IDE: variants seen among roughly 807,000 people sequenced by gnomAD.
IDE encodes the protein insulin degrading enzyme.
IDE carries 58 observed loss-of-function variants against 133.2 expected under a neutral mutation model. The observed-to-expected ratio is 0.44, with a 90% confidence interval of 0.35 to 0.54. The LOEUF is 0.54. IDE is among the 20% of genes least tolerant of loss of function. The pLI is 0.00. For missense variants in IDE, 981 were observed against 1,234.0 expected, an observed-to-expected ratio of 0.79 and a Z score of 3.07; for synonymous variants, 396 against 421.3, an observed-to-expected ratio of 0.94 and a Z score of 0.73.
chr10:92,523,279 G>A (rs1849328048), intron 4 of IDE, among the ~76,000 whole-genome samples: 2 of 152,046 alleles, frequency 1.3e-5, no homozygotes. Flanking sequence ...TACTTCAGAG[G>A]CTGAGGCAGG....
At chr10:92,517,736 G>A (rs1849002645) in intron 4 of IDE, among the ~76,000 whole-genome samples, 1 of 152,108 alleles carries the variant, frequency 6.6e-6, no homozygotes, top group Admixed American at 6.5e-5. Context: ...GCCAAGGCAG[G>A]TGCATCACTT....
chr10:92,478,784 T>C (rs1397083176), intron 15 of IDE: 1 of 1,225,624 alleles, frequency 8.2e-7, no homozygotes, highest in East Asian at 5.9e-5. Flanking sequence ...AGCATAAATG[T>C]AGCGACTAAC....
intron 14 of IDE, chr10:92,480,916 G>T: frequency 1.0e-6 from 1 of 970,996 alleles, no homozygotes; most frequent in Non-Finnish European, 1.2e-6. Flanking sequence ...TTTTATCAAA[G>T]CTGATAAAAA....
intron 24 of IDE, 24 bp from the exon 25 acceptor site, chr10:92,454,563 T>C (rs1158804256): frequency 6.4e-7 from 1 of 1,562,864 alleles, no homozygotes; most frequent in East Asian, 2.2e-5. Flanking sequence ...AGTTTCCTTT[T>C]AGTGTATTTA....
intron 11 of IDE, among the ~76,000 whole-genome samples, chr10:92,493,977 A>T (rs934704418): frequency 1.3e-5 from 2 of 152,202 alleles, no homozygotes; most frequent in African/African-American, 2.4e-5. Context: ...ACAATAATTG[A>T]AGTACAGACA....
At chr10:92,484,711 C>A (rs1846859514) in intron 13 of IDE, among the ~76,000 whole-genome samples, 1 of 150,212 alleles carries the variant, frequency 6.7e-6, no homozygotes, top group African/African-American at 2.5e-5. Context: ...CCAGCCTAGG[C>A]AACGGAGAGA....
Position 92,574,064 on chromosome 10 carries a change from C to T in IDE, c.-45G>A, listed in dbSNP as rs1168207830. ...GATCACCGCAAACGCTTCCTGCTTG[C>T]GCTTCGAGCCGGCCCTGCGCACTGC... On this transcript the variant is annotated 5_prime_UTR_variant, in exon 1 of 25. Coordinates refer to ENST00000265986, the MANE Select transcript of IDE (RefSeq NM_004969.4). The T allele has an allele frequency of 1.2e-5, 17 of 1,437,662 alleles. No individual in the cohort carries two copies. The highest frequency in any genetic ancestry group is 2.3e-5 in the Admixed American group (1 of 43,230). 89.1% of individuals were successfully genotyped at this position (1,437,662 alleles called of 1,614,324 possible).
At chr10:92,489,709 T>C (rs1187912413) in intron 12 of IDE, among the ~76,000 whole-genome samples, 2 of 152,204 alleles carry the variant, frequency 1.3e-5, no homozygotes, top group African/African-American at 4.8e-5. Flanking sequence ...TGATCTTCTG[T>C]ATCATGAATA....
chr10:92,557,265 G>A (rs1333204812), intron 1 of IDE, among the ~76,000 whole-genome samples: 1 of 152,138 alleles, frequency 6.6e-6, no homozygotes, highest in Non-Finnish European at 1.5e-5. Context: ...GGCCAGGCAC[G>A]GCGGCTCACA....
intron 15 of IDE, chr10:92,478,743 A>AC: frequency 4.7e-6 from 6 of 1,277,412 alleles, no homozygotes; most frequent in Non-Finnish European, 6.1e-6. Context: ...AACCTGATAA[A>AC]CAGGTATGTC....
In IDE at chr10:92,550,363, G is replaced by T. The variant is rs528290634; in HGVS notation, c.99-12813C>A. Among the ~76,000 whole-genome samples, 50 of 152,118 alleles carry T rather than the reference G, an allele frequency of 3.3e-4. 1 individual carries two copies. Among genetic ancestry groups the T allele is most frequent in the African/African-American group, 1.2e-3 (49 of 41,494 alleles). On this transcript the variant is annotated intron_variant, in intron 1 of 24. Transcript: ENST00000265986. Reference sequence around the variant, plus strand: ...CTTAAAAAGCCACTTCTCCAAAGAAGATATACAAATGGCCAATAAGCATAT... The same window carrying T: ...CTTAAAAAGCCACTTCTCCAAAGAATATATACAAATGGCCAATAAGCATAT...
intron 1 of IDE, among the ~76,000 whole-genome samples, chr10:92,567,096 C>T (rs1272981767): frequency 1.3e-5 from 2 of 152,184 alleles, no homozygotes; most frequent in African/African-American, 4.8e-5. Context: ...AAGGACCGCT[C>T]AGTCCTGTCC....
At chr10:92,456,327 A>G (rs188796899) in intron 23 of IDE, 32 bp downstream of exon 23, 2 of 1,493,290 alleles carry the variant, frequency 1.3e-6, no homozygotes, top group African/African-American at 2.8e-5. Context: ...ATGGCTCAAC[A>G]TGAGCCTAAA....
rs571789194 is a variant in IDE at position 92,491,626 on chromosome 10, T to C, written c.1431-1031A>G. On this transcript the variant is annotated intron_variant, in intron 11 of 24. Coordinates refer to ENST00000265986, the MANE Select transcript of IDE (RefSeq NM_004969.4). Reference sequence around the variant, plus strand: ...TAATTTTTGTTTTTGTTTTTTTTTTTTGAGTTGGAGTTTTGCTCTTGCCAC... The same window carrying C: ...TAATTTTTGTTTTTGTTTTTTTTTTCTGAGTTGGAGTTTTGCTCTTGCCAC... 9.5e-4 allele frequency among the ~76,000 whole-genome samples: 144 copies of C among 151,504 alleles called. 1 individual carries two copies. Among genetic ancestry groups the C allele is most frequent in the African/African-American group, 3.4e-3 (140 of 41,278 alleles).
Position 92,455,576 on chromosome 10 carries a change from T to C in IDE, c.2964A>G (p.Gln988=), listed in dbSNP as rs978823534. 1 of 1,559,038 alleles carries C rather than the reference T, an allele frequency of 6.4e-7. No individual in the cohort carries two copies. Among genetic ancestry groups the C allele is most frequent in the Non-Finnish European group, 8.8e-7 (1 of 1,129,944 alleles). The stretch of plus-strand genomic sequence containing the variant: ...TCTAACATAACGTTATATTTCTTAC[T>C]TGTGGCAAGGCTGGTGCTTGTGACA... ...INLSQAPALP[Q]PEVIQNMTEF... is the part of the protein sequence containing the mutation. Residue 988 remains glutamine, a splice_region_variant and synonymous_variant, in exon 24 of 25, where the codon CAA becomes CAG. Transcript: ENST00000265986.
At chr10:92,511,419 T>C (rs17445028) in intron 5 of IDE, among the ~76,000 whole-genome samples, 28,216 of 152,036 alleles carry the variant, frequency 0.19, 2,895 homozygotes, top group Middle Eastern at 0.22. Flanking sequence ...TGTCTTTTTA[T>C]AAACAAGATA....
rs1479957331 is a variant in IDE at position 92,524,405 on chromosome 10, A to T, written c.661+7343T>A. On this transcript the variant is annotated intron_variant, in intron 4 of 24. Transcript: ENST00000265986. Reference sequence around the variant, plus strand: ...TATAATATATTTTATATAATATATAATATATATTATATTATATATAATATA... The same window carrying T: ...TATAATATATTTTATATAATATATATTATATATTATATTATATATAATATA... 2.2e-3 allele frequency among the ~76,000 whole-genome samples: 196 copies of T among 88,280 alleles called. 12 individuals are homozygous for T. Among genetic ancestry groups the T allele is most frequent in the African/African-American group, 8.7e-3 (188 of 21,712 alleles). 57.9% of individuals were successfully genotyped at this position (88,280 alleles called of 152,430 possible).
intron 17 of IDE, among the ~76,000 whole-genome samples, chr10:92,470,711 C>G (rs1209053305): frequency 6.6e-6 from 1 of 152,048 alleles, no homozygotes; most frequent in Non-Finnish European, 1.5e-5. Flanking sequence ...TTGAAGAGTA[C>G]TGTTCAGTTA....
chr10:92,473,763 C>T (rs184685622), intron 17 of IDE, among the ~76,000 whole-genome samples: 2,942 of 152,134 alleles, frequency 0.019, 47 homozygotes, highest in Admixed American at 0.052. Flanking sequence ...GGCGGATCAC[C>T]GGAGGTCAGG....
Sources: allele counts gnomAD v4.1 joint callset (sites outside exome capture counted in the v4.1 genomes callset), GRCh38; gene constraint gnomAD v4.1.1; transcripts MANE v1.5; gene names NCBI Gene and HGNC (gene_info 2026-07-23, HGNC 2026-07-21).